The following CRTC3 variants were observed in gnomAD, a reference collection of about 807,000 sequenced individuals.
The protein encoded by CRTC3 is CREB regulated transcription coactivator 3, also known as CREB-regulated transcription coactivator 3.
CRTC3 carries 26 observed loss-of-function variants against 74.5 expected under a neutral mutation model. The ratio of observed to expected loss-of-function variants is 0.35; its 90% CI spans 0.26 to 0.48. The LOEUF is 0.48. Ranked by LOEUF, CRTC3 falls within the 20% of genes least tolerant of loss-of-function variation. CRTC3 has a pLI of 0.99. For synonymous variants in CRTC3, 377 were observed against 325.8 expected, an observed-to-expected ratio of 1.16 and a Z score of -1.69; for missense variants, 760 against 787.3, an observed-to-expected ratio of 0.97 and a Z score of 0.41.
intron 2 of CRTC3, among the ~76,000 whole-genome samples, chr15:90,578,109 G>A (rs1209772328): frequency 1.3e-5 from 2 of 151,680 alleles, no homozygotes; most frequent in Non-Finnish European, 2.9e-5. Context: ...TAGAGATGAG[G>A]TTTCACCATG....
intron 4 of CRTC3, among the ~76,000 whole-genome samples, chr15:90,603,823 G>A (rs2151082659): frequency 6.6e-6 from 1 of 152,298 alleles, no homozygotes; most frequent in South Asian, 2.1e-4. Context: ...GGGTAACAGT[G>A]GGTCCCCACC....
chr15:90,634,312 C>G (rs968716370), intron 11 of CRTC3, among the ~76,000 whole-genome samples: 12 of 152,086 alleles, frequency 7.9e-5, no homozygotes, highest in African/African-American at 2.9e-4. Flanking sequence ...CGGGATTTCA[C>G]CATGTTGGCC....
chr15:90,640,105 C>T (rs964817028), intron 13 of CRTC3, among the ~76,000 whole-genome samples: 4 of 152,054 alleles, frequency 2.6e-5, no homozygotes, highest in South Asian at 2.1e-4. Flanking sequence ...GTTTCCTAAG[C>T]AGGCCACAGA....
At chr15:90,617,682 G>A (rs994685582) in intron 7 of CRTC3, among the ~76,000 whole-genome samples, 1 of 151,920 alleles carries the variant, frequency 6.6e-6, no homozygotes, top group Admixed American at 6.6e-5. Flanking sequence ...GGTGTGAGCC[G>A]CCACACCCAG....
intron 9 of CRTC3, among the ~76,000 whole-genome samples, chr15:90,622,586 C>T (rs1968688853): frequency 6.6e-6 from 1 of 152,198 alleles, no homozygotes; most frequent in Admixed American, 6.5e-5. Context: ...CGCAGTGGCT[C>T]ATGCCTGTAA....
intron 9 of CRTC3, among the ~76,000 whole-genome samples, chr15:90,624,495 C>CCCTGACA (rs971359490): frequency 6.6e-6 from 1 of 152,164 alleles, no homozygotes; most frequent in South Asian, 2.1e-4. Context: ...TCACCCTCTG[C>CCCTGACA]CCTGACACCT....
intron 6 of CRTC3, among the ~76,000 whole-genome samples, chr15:90,612,028 T>TCCC (rs1968369015): frequency 1.1e-5 from 1 of 87,632 alleles, no homozygotes; most frequent in Non-Finnish European, 2.2e-5. Flanking sequence ...CACCCCCCAC[T>TCCC]CCTCCTCCTC....
At chr15:90,538,151 C>T (rs987667449) in intron 1 of CRTC3, among the ~76,000 whole-genome samples, 2 of 152,184 alleles carry the variant, frequency 1.3e-5, no homozygotes, top group South Asian at 2.1e-4. Context: ...GTTTTTGTAT[C>T]AGTAAATCAA....
intron 14 of CRTC3, 118 bp from the exon 15 acceptor site, chr15:90,641,814 G>T (rs193273990): frequency 4.3e-4 from 320 of 749,454 alleles, no homozygotes; most frequent in Middle Eastern, 7.9e-4. Context: ...GGGCCTGGGG[G>T]TGGTCAGGAT....
chr15:90,614,603 A>G (rs1430092896), intron 7 of CRTC3, 115 bp downstream of exon 7: 3 of 712,898 alleles, frequency 4.2e-6, no homozygotes, highest in Admixed American at 2.6e-5. Flanking sequence ...AAATGCTGAC[A>G]ACTGCTGATT....
intron 9 of CRTC3, among the ~76,000 whole-genome samples, chr15:90,623,533 T>G (rs1177233570): frequency 2.0e-5 from 3 of 152,170 alleles, no homozygotes; most frequent in Non-Finnish European, 4.4e-5. Context: ...CCTACTTCCC[T>G]GTCTCTAGAG....
chr15:90,626,287 G>A (rs750472999), intron 10 of CRTC3, among the ~76,000 whole-genome samples: 8 of 152,180 alleles, frequency 5.3e-5, no homozygotes, highest in African/African-American at 1.4e-4. Flanking sequence ...CATCCACTCC[G>A]TGTTGGCTGA....
intron 11 of CRTC3, among the ~76,000 whole-genome samples, chr15:90,636,269 T>C (rs961077641): frequency 8.0e-4 from 113 of 141,856 alleles, no homozygotes; most frequent in African/African-American, 2.7e-3. Context: ...TACAACCATC[T>C]GATCTTTGAC....
chr15:90,598,223 G>C, intron 3 of CRTC3: 1 of 564,706 alleles, frequency 1.8e-6, no homozygotes, highest in Admixed American at 3.1e-5. Flanking sequence ...TACACTGACC[G>C]CACAGGGACG....
rs6145675 is a variant in CRTC3, at chr15:90,556,958, CTATATATATATATATATATATA to C, written c.231+16841_231+16862del. On this transcript the variant is annotated intron_variant, in intron 2 of 14. Transcript: ENST00000268184. ...TATTCTCTTTATAATCACCACATGGCTATATATATATATATATATATATATATATATATATATATATCTTTAT... is the reference window on the plus strand; with the variant it reads ...TATTCTCTTTATAATCACCACATGGCTATATATATATATATATATCTTTAT... 1.0e-3 allele frequency among the ~76,000 whole-genome samples: 134 copies of C among 130,520 alleles called. 2 individuals carry two copies. Among genetic ancestry groups the C allele is most frequent in the African/African-American group, 2.6e-3 (85 of 32,374 alleles). 85.6% of individuals were successfully genotyped at this position (130,520 alleles called of 152,430 possible). A position where few individuals can be genotyped will look rare whatever the true frequency, so the allele number is the denominator to read the frequency against.
intron 2 of CRTC3, among the ~76,000 whole-genome samples, chr15:90,550,280 TAGCCGGGC>T (rs1275337598): frequency 5.3e-5 from 8 of 151,434 alleles, no homozygotes; most frequent in Non-Finnish European, 1.2e-4. Context: ...AATACAAAAT[TAGCCGGGC>T]ATGGTGGTGC....
chr15:90,556,153 A>AT (rs1447880510), intron 2 of CRTC3, among the ~76,000 whole-genome samples: 1 of 152,132 alleles, frequency 6.6e-6, no homozygotes, highest in Non-Finnish European at 1.5e-5. Flanking sequence ...TATAATTTTA[A>AT]TAGCTAAATA....
chr15:90,552,411 A>C (rs766764677), intron 2 of CRTC3, among the ~76,000 whole-genome samples: 10 of 152,196 alleles, frequency 6.6e-5, no homozygotes, highest in Non-Finnish European at 1.5e-4. Context: ...TTCTTGTGTC[A>C]TCTAATGGTC....
At chr15:90,587,602 T>G (rs1171651544) in intron 2 of CRTC3, among the ~76,000 whole-genome samples, 1 of 152,110 alleles carries the variant, frequency 6.6e-6, no homozygotes, top group African/African-American at 2.4e-5. Flanking sequence ...TTCGTTTCTT[T>G]CTTGCTTGCT....
Sources: allele counts gnomAD v4.1 joint callset (sites outside exome capture counted in the v4.1 genomes callset), GRCh38; gene constraint gnomAD v4.1.1; transcripts MANE v1.5; gene names NCBI Gene and HGNC (gene_info 2026-07-23, HGNC 2026-07-21).